Variants in ZNF492 observed in about 807,000 individuals in gnomAD.
The protein encoded by ZNF492 is zinc finger protein 115 (Y20).
In ZNF492, 3 loss-of-function variants were observed where a neutral mutation model predicts 6.4. The observed-to-expected ratio is 0.47, with a 90% CI of 0.21 to 1.22. ZNF492 has a LOEUF of 1.22. Among genes scored for constraint, ZNF492 ranks in the 50% most tolerant of loss-of-function variants. The pLI is 0.22. For missense variants in ZNF492, 356 were observed against 612.5 expected, an observed-to-expected ratio of 0.58 and a Z score of 4.42; for synonymous variants, 112 against 205.3, an observed-to-expected ratio of 0.55 and a Z score of 3.89.
chr19:22,654,370 A>C (rs1217713051), intron 3 of ZNF492, among the ~76,000 whole-genome samples: 5 of 152,080 alleles, frequency 3.3e-5, no homozygotes, highest in Non-Finnish European at 7.4e-5. Flanking sequence ...ACTGTTTTTC[A>C]AGTTCTGTTT....
intron 1 of ZNF492, among the ~76,000 whole-genome samples, chr19:22,649,026 GTCAT>G (rs1382770448): frequency 6.6e-6 from 1 of 152,136 alleles, no homozygotes; most frequent in East Asian, 1.9e-4. Context: ...TCTTCATAGT[GTCAT>G]TGGTCTTCAT....
chr19:22,634,372 T>G lies in ZNF492; in HGVS notation c.-196T>G, dbSNP rs1971738065. 4.2e-6 allele frequency: 5 copies of G among 1,198,136 alleles called. No homozygotes were observed. The Admixed American group carries it at 7.1e-5, about 17-fold the overall frequency. The allele number at this position is 1,198,136 out of a possible 1,614,324, so 74.2% of individuals were successfully genotyped here. A position where few individuals can be genotyped will look rare whatever the true frequency, so the allele number is the denominator to read the frequency against. ...GAGTATGGTCTAGTGTTCGCTGTTC[T>G]GCGTCCTCTGGTCCTAGAGGCCCAT... is the stretch of plus-strand genomic sequence containing the variant. On this transcript the variant is annotated 5_prime_UTR_variant, in exon 1 of 4. Transcript: ENST00000456783.
At chr19:22,650,433 T>TCTGTTCC (rs1568354359) in intron 1 of ZNF492, among the ~76,000 whole-genome samples, 2 of 152,110 alleles carry the variant, frequency 1.3e-5, no homozygotes, top group African/African-American at 4.8e-5. Flanking sequence ...GAAGCACTTT[T>TCTGTTCC]ATTGTCCCTT....
At chr19:22,648,818 A>ATG (rs932955834) in intron 1 of ZNF492, among the ~76,000 whole-genome samples, 2 of 151,846 alleles carry the variant, frequency 1.3e-5, no homozygotes, top group Non-Finnish European at 2.9e-5. Flanking sequence ...CTTCATCCCT[A>ATG]TGTGTGTCTT....
In ZNF492 at chr19:22,664,010, A is replaced by T. The variant is rs1261957096; in HGVS notation, c.341A>T (p.Gln114Leu). The change falls in exon 4 of 4, where the codon CAA becomes CTA. Residue 114 changes from glutamine to leucine, a missense_variant. By Grantham distance (113) the Gln-to-Leu change is moderately radical (BLOSUM62 -2). Transcript: ENST00000456783. ...CLTTTQNKIFQCDKYVKVFHK... is the reference protein window; with the variant it reads ...CLTTTQNKIFLCDKYVKVFHK... ...ACGACTACCCAGAACAAAATATTTC[A>T]ATGTGACAAATATGTGAAAGTCTTT... The T allele has an allele frequency of 6.2e-7, 1 of 1,609,808 alleles. No individual in the cohort carries two copies. Among genetic ancestry groups the T allele is most frequent in the Non-Finnish European group, 8.5e-7 (1 of 1,177,824 alleles).
intron 1 of ZNF492, among the ~76,000 whole-genome samples, chr19:22,646,317 T>G (rs769877233): frequency 3.9e-5 from 6 of 152,360 alleles, no homozygotes; most frequent in Middle Eastern, 3.4e-3. Flanking sequence ...GCTCTCTGAT[T>G]GTCTGTTGTT....
At chr19:22,654,822 G>A (rs1479581663) in intron 3 of ZNF492, among the ~76,000 whole-genome samples, 2 of 149,814 alleles carry the variant, frequency 1.3e-5, no homozygotes, top group Non-Finnish European at 3.0e-5. Context: ...GGCTGGTCTC[G>A]AACTCCTAGA....
chr19:22,649,530 T>A (rs1971918422), intron 1 of ZNF492, among the ~76,000 whole-genome samples: 1 of 152,180 alleles, frequency 6.6e-6, no homozygotes, highest in Non-Finnish European at 1.5e-5. Flanking sequence ...GTTTTCCAGC[T>A]TGTTTCCATT....
intron 3 of ZNF492, among the ~76,000 whole-genome samples, chr19:22,661,939 G>T (rs1182289704): frequency 2.6e-5 from 4 of 152,012 alleles, no homozygotes; most frequent in African/African-American, 9.7e-5. Flanking sequence ...CCTGTCTGTA[G>T]TACCACAGTC....
At chr19:22,655,811 T>C (rs1301813753) in intron 3 of ZNF492, among the ~76,000 whole-genome samples, 1 of 126,270 alleles carries the variant, frequency 7.9e-6, no homozygotes, top group Non-Finnish European at 1.6e-5. Flanking sequence ...CAAGTTTTTC[T>C]TGTTGTTTTT....
intron 1 of ZNF492, among the ~76,000 whole-genome samples, chr19:22,642,965 T>A (rs1326406651): frequency 1.3e-5 from 2 of 152,142 alleles, no homozygotes; most frequent in African/African-American, 4.8e-5. Context: ...CTGAAGTACT[T>A]ACAATGCAAA....
chr19:22,664,977 T>C lies in ZNF492; in HGVS notation c.1308T>C (p.Leu436=). 6.2e-7 allele frequency: 1 copy of C among 1,606,262 alleles called. No individual in the cohort carries two copies. Among genetic ancestry groups the C allele is most frequent in the Non-Finnish European group, 8.5e-7 (1 of 1,176,616 alleles). ...AAGCTTTTAACCAGTCCTCAACTCT[T>C]TCTAAACATAAGGTAATTCATACTG... ...CGKAFNQSST[L]SKHKVIHTGE... The change falls in exon 4 of 4, where the codon CTT becomes CTC. Residue 436 remains leucine (L), a synonymous_variant. Coordinates refer to ENST00000456783, the MANE Select transcript of ZNF492 (RefSeq NM_020855.3).
intron 1 of ZNF492, among the ~76,000 whole-genome samples, chr19:22,645,585 A>T (rs1350155526): frequency 6.6e-6 from 1 of 152,108 alleles, no homozygotes; most frequent in African/African-American, 2.4e-5. Context: ...TTTGTCATGA[A>T]GTCTTTGCCG....
At position 22,653,983 on chromosome 19, in the gene ZNF492, T is replaced by G. The variant is rs1426293421; in HGVS notation, c.98T>G (p.Val33Gly). Residue 33 changes from valine (V) to glycine (G), a missense_variant, in exon 3 of 4, where the codon GTG becomes GGG. By Grantham distance (109) the Val-to-Gly change is moderately radical. Transcript: ENST00000456783. ...CLEQGKEPWN[V>G]KRHEMVAEPP... ...GAGCAAGGAAAAGAACCTTGGAATG[T>G]GAAGAGACATGAGATGGTAGCTGAA... 6.2e-7 allele frequency: 1 copy of G among 1,602,920 alleles called. No individual in the cohort carries two copies. The highest frequency in any genetic ancestry group is 8.5e-7 in the Non-Finnish European group (1 of 1,177,356).
chr19:22,660,160 GA>G (rs1259209248), intron 3 of ZNF492, among the ~76,000 whole-genome samples: 1 of 148,386 alleles, frequency 6.7e-6, no homozygotes, highest in Admixed American at 6.7e-5. Context: ...TTTATCATTA[GA>G]TCTCTACTGA....
chr19:22,656,953 T>C (rs959191443), intron 3 of ZNF492, among the ~76,000 whole-genome samples: 3 of 152,146 alleles, frequency 2.0e-5, no homozygotes, highest in Non-Finnish European at 4.4e-5. Flanking sequence ...TCATGATTCC[T>C]GTTTCTCTCA....
intron 1 of ZNF492, among the ~76,000 whole-genome samples, chr19:22,638,363 C>T (rs1166155082): frequency 2.6e-5 from 4 of 152,022 alleles, no homozygotes; most frequent in African/African-American, 9.7e-5. Flanking sequence ...ACATTTAAAT[C>T]TGTAATTTAT....
chr19:22,642,230 T>G (rs1283738578), intron 1 of ZNF492, among the ~76,000 whole-genome samples: 1 of 152,110 alleles, frequency 6.6e-6, no homozygotes, highest in East Asian at 1.9e-4. Flanking sequence ...AAAATGTAAA[T>G]TAAAAATAAG....
chr19:22,638,469 G>T (rs1971789888), intron 1 of ZNF492, among the ~76,000 whole-genome samples: 1 of 151,916 alleles, frequency 6.6e-6, no homozygotes, highest in South Asian at 2.1e-4. Context: ...TATTAAATAG[G>T]GATTTCTTTC....
Sources: allele counts gnomAD v4.1 joint callset (sites outside exome capture counted in the v4.1 genomes callset), GRCh38; gene constraint gnomAD v4.1.1; transcripts MANE v1.5; gene names NCBI Gene and HGNC (gene_info 2026-07-23, HGNC 2026-07-21).